Variants in ADAM19 observed in about 807,000 individuals in gnomAD.
ADAM19 encodes disintegrin and metalloproteinase domain-containing protein 19.
ADAM19 carries 65 observed loss-of-function variants against 114.7 expected under a neutral mutation model. That is an observed-to-expected ratio of 0.57 (90% confidence interval 0.46 to 0.70). ADAM19 has a LOEUF of 0.70. ADAM19 is among the 30% of genes least tolerant of loss of function. ADAM19 has a pLI of 0.00. For synonymous variants in ADAM19, 466 were observed against 460.5 expected, an observed-to-expected ratio of 1.01 and a Z score of -0.15; for missense variants, 1,063 against 1,204.7, an observed-to-expected ratio of 0.88 and a Z score of 1.74.
chr5:157,511,392 T>A (rs1377359641), intron 8 of ADAM19, among the ~76,000 whole-genome samples: 1 of 152,204 alleles, frequency 6.6e-6, no homozygotes, highest in Non-Finnish European at 1.5e-5. Flanking sequence ...GGAGCCAGGA[T>A]GAAGGCCCAA....
intron 3 of ADAM19, among the ~76,000 whole-genome samples, chr5:157,552,460 T>C (rs899666874): frequency 2.0e-5 from 3 of 151,924 alleles, no homozygotes; most frequent in Middle Eastern, 3.2e-3. Flanking sequence ...AAGCCCAGCC[T>C]GGGCAACAGG....
intron 1 of ADAM19, among the ~76,000 whole-genome samples, chr5:157,575,376 C>A (rs1254811695): frequency 6.6e-6 from 1 of 152,236 alleles, no homozygotes; most frequent in Non-Finnish European, 1.5e-5. Context: ...AGCCAGTGAG[C>A]GGACCGGCTG....
intron 2 of ADAM19, chr5:157,568,849 A>G (rs1034093667): frequency 2.0e-5 from 3 of 152,202 alleles, no homozygotes; most frequent in African/African-American, 7.2e-5. Context: ...TGTTCATTGA[A>G]CAAATAGTTA....
chr5:157,502,845 C>T lies in ADAM19; in HGVS notation c.1266G>A (p.Gly422=), dbSNP rs1432122856. 5 of 1,614,102 alleles carry T rather than the reference C, an allele frequency of 3.1e-6. No homozygotes were observed. Among genetic ancestry groups the T allele is most frequent in the Non-Finnish European group, 4.2e-6 (5 of 1,180,042 alleles). The part of the protein sequence containing the change: ...MLYGGRRCGN[G]YLEDGEECDC... The stretch of plus-strand genomic sequence containing the variant: ...CACACTCTTCCCCATCTTCCAGATA[C>T]CCGTTCCCACACCTCCGGCCTCCAT... Residue 422 remains glycine, a synonymous_variant, in exon 12 of 23, where the codon GGG becomes GGA. Coordinates refer to ENST00000257527, the MANE Select transcript of ADAM19 (RefSeq NM_033274.5).
In ADAM19 at chr5:157,496,980, C is replaced by T. The variant is rs1755385235; in HGVS notation, c.1508G>A (p.Gly503Asp). The T allele has an allele frequency of 1.3e-6, 2 of 1,597,550 alleles. No homozygotes were observed. Among genetic ancestry groups the T allele is most frequent in the Non-Finnish European group, 1.7e-6 (2 of 1,173,034 alleles). The change falls in exon 14 of 23, where the codon GGT (glycine) becomes GAT (aspartate). Residue 503 changes from glycine to aspartate, a missense_variant. By Grantham distance (94) the Gly-to-Asp change is moderately conservative (BLOSUM62 -1). Around this residue, in one of 3 missense-constraint regions of ADAM19, gnomAD observed 615 missense variants for 706.3 expected, o/e 0.87. Coordinates refer to ENST00000257527, the MANE Select transcript of ADAM19 (RefSeq NM_033274.5). ...HCPTNFYQMD[G>D]TPCEGGQAYC... ...GGCCTGGCCGCCCTCACAGGGGGTACCATCCATCTGGTAGAAGTTGGTAGG... is the reference window on the plus strand; with the variant it reads ...GGCCTGGCCGCCCTCACAGGGGGTATCATCCATCTGGTAGAAGTTGGTAGG...
intron 3 of ADAM19, among the ~76,000 whole-genome samples, chr5:157,538,917 C>G (rs1047699163): frequency 9.9e-5 from 15 of 152,144 alleles, no homozygotes; most frequent in African/African-American, 3.6e-4. Flanking sequence ...GTAATCCCAG[C>G]ACTTTGGGAG....
intron 1 of ADAM19, 149 bp from the exon 2 acceptor site, chr5:157,571,129 C>T: frequency 1.6e-6 from 1 of 622,668 alleles, no homozygotes. Flanking sequence ...GAACTAGGCA[C>T]TCTAGGTGTC....
At chr5:157,511,702 C>T (rs1755926769) in intron 8 of ADAM19, among the ~76,000 whole-genome samples, 1 of 152,174 alleles carries the variant, frequency 6.6e-6, no homozygotes, top group South Asian at 2.1e-4. Flanking sequence ...CATGACTCAG[C>T]ACGAGTCCAA....
chr5:157,538,713 C>G (rs1756834988), intron 3 of ADAM19, among the ~76,000 whole-genome samples: 1 of 152,140 alleles, frequency 6.6e-6, no homozygotes, highest in Admixed American at 6.5e-5. Flanking sequence ...ACCACAGACC[C>G]CTTGAAGTAC....
chr5:157,483,679 G>A (rs1754834785), intron 21 of ADAM19, among the ~76,000 whole-genome samples: 1 of 151,534 alleles, frequency 6.6e-6, no homozygotes, highest in Non-Finnish European at 1.5e-5. Context: ...TGTCCCCCAG[G>A]CTGGAGTGTA....
At chr5:157,499,773 C>CT (rs553103564) in intron 12 of ADAM19, 111 bp from the exon 13 acceptor site, 17,703 of 416,332 alleles carry the variant, frequency 0.043, 1 homozygote, top group East Asian at 0.051. Flanking sequence ...GCAACTATCT[C>CT]TTTTTTTTTT....
intron 12 of ADAM19, among the ~76,000 whole-genome samples, chr5:157,500,659 T>A (rs1223459756): frequency 6.6e-6 from 1 of 152,070 alleles, no homozygotes; most frequent in East Asian, 1.9e-4. Context: ...CCTGGGTCTG[T>A]TTCCTTAGAT....
chr5:157,526,163 T>C (rs1756447233), intron 5 of ADAM19, among the ~76,000 whole-genome samples: 1 of 142,340 alleles, frequency 7.0e-6, no homozygotes, highest in Non-Finnish European at 1.5e-5. Flanking sequence ...TATATACATA[T>C]ATATATATAT....
intron 2 of ADAM19, among the ~76,000 whole-genome samples, chr5:157,567,308 G>A (rs896092055): frequency 6.6e-6 from 1 of 152,202 alleles, no homozygotes; most frequent in Non-Finnish European, 1.5e-5. Context: ...CAAACCCACC[G>A]AAGTAGGAAG....
intron 5 of ADAM19, among the ~76,000 whole-genome samples, chr5:157,527,804 G>C (rs1326143401): frequency 6.6e-6 from 1 of 152,160 alleles, no homozygotes; most frequent in African/African-American, 2.4e-5. Context: ...AGAAAGAGAT[G>C]TTATCTTTCA....
chr5:157,568,583 G>A (rs1757734252), intron 2 of ADAM19: 1 of 151,698 alleles, frequency 6.6e-6, no homozygotes. Context: ...TTCCCCTTCA[G>A]TCTAGATTAA....
In ADAM19 at chr5:157,478,586, C is replaced by A; in HGVS notation, c.*2363G>T. ...ACACCTCAAAACAGCATACTGGGCACTGGAAAGAAAAGGGGATGCATAATG... is the reference window on the plus strand; with the variant it reads ...ACACCTCAAAACAGCATACTGGGCAATGGAAAGAAAAGGGGATGCATAATG... On this transcript the variant is annotated 3_prime_UTR_variant, in exon 23 of 23. Coordinates refer to ENST00000257527, the MANE Select transcript of ADAM19 (RefSeq NM_033274.5). 1.0e-6 allele frequency: 1 copy of A among 985,688 alleles called. No homozygotes were observed. The highest frequency in any genetic ancestry group is 1.2e-6 in the Non-Finnish European group (1 of 829,936). 61.1% of individuals were successfully genotyped at this position (985,688 alleles called of 1,614,324 possible).
At chr5:157,555,590 T>C (rs562839583) in intron 3 of ADAM19, among the ~76,000 whole-genome samples, 1 of 152,330 alleles carries the variant, frequency 6.6e-6, no homozygotes, top group East Asian at 1.9e-4. Flanking sequence ...CAAATTAGCA[T>C]GTATTGAAAA....
Position 157,512,111 on chromosome 5 carries a change from T to G in ADAM19, c.738+1323A>C, listed in dbSNP as rs569881256. ...TCAAATGTTTGGGTTGTAGGATTAT[T>G]TAAATGTTATTCTTGAGTGAGTCAG... On this transcript the variant is annotated intron_variant, in intron 8 of 22. Coordinates refer to ENST00000257527, the MANE Select transcript of ADAM19 (RefSeq NM_033274.5). Among the ~76,000 whole-genome samples, 4 of 152,356 alleles carry G rather than the reference T, an allele frequency of 2.6e-5. No homozygotes were observed. In the East Asian group the frequency reaches 5.8e-4, roughly 22 times the overall value.
Sources: gnomAD v4.1 joint callset for allele counts (sites outside exome capture counted in the v4.1 genomes callset) on GRCh38, gnomAD v4.1.1 for gene constraint, gnomAD v4.1.1 regional missense constraint, MANE v1.5 for transcripts, NCBI Gene and HGNC (gene_info 2026-07-23, HGNC 2026-07-21) for gene names.